Variants in PTPRD observed in about 807,000 individuals in gnomAD.
PTPRD encodes receptor-type tyrosine-protein phosphatase delta.
In PTPRD, 34 loss-of-function variants were observed where a neutral mutation model predicts 214.5. That is an observed-to-expected ratio of 0.16 (90% CI 0.12 to 0.21). PTPRD has a LOEUF of 0.21. PTPRD is among the 10% of genes least tolerant of loss of function. PTPRD has a pLI of 1.00. For missense variants in PTPRD, 2,545 were observed against 2,398.7 expected (o/e 1.06, Z -1.27); for synonymous variants, 1,128 against 845.7 (o/e 1.33, Z -5.79).
intron 2 of PTPRD, among the ~76,000 whole-genome samples, chr9:10,489,675 G>A (rs368001199): frequency 1.4e-4 from 22 of 152,092 alleles, no homozygotes; most frequent in African/African-American, 3.6e-4. Context: ...CCTCAAGTTC[G>A]GACCACTGGG....
intron 14 of PTPRD, among the ~76,000 whole-genome samples, chr9:8,534,031 A>G (rs936117255): frequency 3.3e-5 from 5 of 151,968 alleles, no homozygotes; most frequent in African/African-American, 1.2e-4. Flanking sequence ...AGAATTAGAG[A>G]CTTAAAAAAT....
chr9:9,111,197 T>G (rs1453670208), intron 10 of PTPRD, among the ~76,000 whole-genome samples: 1 of 147,224 alleles, frequency 6.8e-6, no homozygotes, highest in Non-Finnish European at 1.5e-5. Flanking sequence ...TAAATAGAAA[T>G]TCATTAGATA....
intron 5 of PTPRD, among the ~76,000 whole-genome samples, chr9:9,889,701 T>C (rs967678542): frequency 1.3e-5 from 2 of 152,142 alleles, no homozygotes; most frequent in African/African-American, 4.8e-5. Flanking sequence ...AAGCGAGCTA[T>C]GTCCATAGAG....
chr9:9,995,814 T>A (rs1476956082), intron 4 of PTPRD, among the ~76,000 whole-genome samples: 1 of 152,146 alleles, frequency 6.6e-6, no homozygotes, highest in Non-Finnish European at 1.5e-5. Context: ...TATTCTTATA[T>A]TTTTAGGTGG....
intron 9 of PTPRD, among the ~76,000 whole-genome samples, chr9:9,186,476 T>C (rs940234748): frequency 1.3e-5 from 2 of 152,050 alleles, no homozygotes; most frequent in Admixed American, 6.6e-5. Flanking sequence ...CTGGGCATTG[T>C]GGCATGCACT....
intron 14 of PTPRD, among the ~76,000 whole-genome samples, chr9:8,592,702 G>C (rs140911913): frequency 4.9e-4 from 75 of 152,246 alleles, no homozygotes; most frequent in African/African-American, 1.8e-3. Context: ...GAGATAATTG[G>C]TGTCTCGAAG....
chr9:8,542,232 G>C (rs959707543), intron 14 of PTPRD, among the ~76,000 whole-genome samples: 1 of 152,154 alleles, frequency 6.6e-6, no homozygotes, highest in African/African-American at 2.4e-5. Flanking sequence ...ATGTGTACTG[G>C]GAGTGTATGT....
chr9:8,811,566 A>C (rs908641532), intron 11 of PTPRD, among the ~76,000 whole-genome samples: 1 of 152,152 alleles, frequency 6.6e-6, no homozygotes, highest in Non-Finnish European at 1.5e-5. Context: ...CAGAACAATC[A>C]TTCTTAATTC....
chr9:9,212,719 C>A (rs1361324344), intron 9 of PTPRD, among the ~76,000 whole-genome samples: 1 of 152,076 alleles, frequency 6.6e-6, no homozygotes, highest in Non-Finnish European at 1.5e-5. Flanking sequence ...ATTTAAGGAA[C>A]TAATACAGAT....
intron 9 of PTPRD, among the ~76,000 whole-genome samples, chr9:9,393,637 G>A (rs1200084772): frequency 6.6e-6 from 1 of 152,116 alleles, no homozygotes; most frequent in African/African-American, 2.4e-5. Flanking sequence ...TTCTTCCATA[G>A]CAACAGATAA....
At chr9:9,115,666 G>C (rs2099811726) in intron 10 of PTPRD, among the ~76,000 whole-genome samples, 1 of 152,112 alleles carries the variant, frequency 6.6e-6, no homozygotes. Context: ...TTATAAAAAA[G>C]ACACCTGCAT....
chr9:8,547,642 A>G (rs1408358851), intron 14 of PTPRD, among the ~76,000 whole-genome samples: 2 of 122,716 alleles, frequency 1.6e-5, no homozygotes, highest in Non-Finnish European at 3.2e-5. Context: ...AATCCTATTT[A>G]AAAAAAAAAA....
At chr9:9,683,004 C>T (rs1004179945) in intron 7 of PTPRD, among the ~76,000 whole-genome samples, 6 of 151,674 alleles carry the variant, frequency 4.0e-5, no homozygotes, top group Non-Finnish European at 2.9e-5. Flanking sequence ...GTAATATAAG[C>T]TAGATAGACA....
At chr9:9,413,893 T>C (rs2076253647) in intron 8 of PTPRD, among the ~76,000 whole-genome samples, 2 of 152,198 alleles carry the variant, frequency 1.3e-5, no homozygotes, top group South Asian at 2.1e-4. Context: ...CCTTTACATG[T>C]AATACATAAT....
At chr9:10,055,528 G>A (rs1026156320) in intron 3 of PTPRD, among the ~76,000 whole-genome samples, 5 of 152,078 alleles carry the variant, frequency 3.3e-5, no homozygotes, top group South Asian at 2.1e-4. Flanking sequence ...GCAAATGGTC[G>A]ATCCAGGATT....
intron 4 of PTPRD, among the ~76,000 whole-genome samples, chr9:9,957,194 A>G (rs1409060377): frequency 6.6e-6 from 1 of 152,216 alleles, no homozygotes; most frequent in South Asian, 2.1e-4. Context: ...AAAGTGATCC[A>G]GAGCTACTAA....
At chr9:10,321,547 T>C (rs1351423018) in intron 3 of PTPRD, among the ~76,000 whole-genome samples, 2 of 152,196 alleles carry the variant, frequency 1.3e-5, no homozygotes, top group East Asian at 3.9e-4. Flanking sequence ...ATTGTCTGAG[T>C]ATAGATTTCA....
chr9:9,807,062 G>T (rs2045680141), intron 5 of PTPRD, among the ~76,000 whole-genome samples: 1 of 152,030 alleles, frequency 6.6e-6, no homozygotes, highest in Non-Finnish European at 1.5e-5. Flanking sequence ...TCACCTACTT[G>T]GCCCTCTTCC....
At chr9:9,855,367 G>A (rs923791151) in intron 5 of PTPRD, among the ~76,000 whole-genome samples, 1 of 152,146 alleles carries the variant, frequency 6.6e-6, no homozygotes, top group African/African-American at 2.4e-5. Flanking sequence ...AAACAAAGGG[G>A]AGGAGCTCCT....
Sources: allele counts gnomAD v4.1 joint callset (sites outside exome capture counted in the v4.1 genomes callset), GRCh38; gene constraint gnomAD v4.1.1; transcripts MANE v1.5; gene names NCBI Gene and HGNC (gene_info 2026-07-23, HGNC 2026-07-21).